Variants in SLC39A11 observed in about 807,000 individuals in gnomAD.
SLC39A11 encodes the protein zinc transporter ZIP11.
In SLC39A11, 33 loss-of-function variants were observed where a neutral mutation model predicts 36.1. The ratio of observed to expected loss-of-function variants is 0.91; its 90% CI spans 0.69 to 1.22. SLC39A11 has a LOEUF of 1.22. SLC39A11 is among the 50% of genes most tolerant of loss of function. SLC39A11 has a pLI of 0.00. For synonymous variants in SLC39A11, 166 were observed against 170.3 expected, an observed-to-expected ratio of 0.97 and a Z score of 0.20; for missense variants, 432 against 430.3, an observed-to-expected ratio of 1.00 and a Z score of -0.03.
chr17:72,724,499 C>G (rs1383693910), intron 7 of SLC39A11, among the ~76,000 whole-genome samples: 3 of 152,028 alleles, frequency 2.0e-5, no homozygotes, highest in Non-Finnish European at 4.4e-5. Context: ...GGAAAGCAGA[C>G]CTTTTGAGAC....
At chr17:72,728,469 A>C (rs2074024466) in intron 7 of SLC39A11, among the ~76,000 whole-genome samples, 1 of 152,058 alleles carries the variant, frequency 6.6e-6, no homozygotes, top group African/African-American at 2.4e-5. Context: ...AAGGAAAGGA[A>C]CAAAGGAACA....
chr17:72,827,900 A>G (rs1026214440), intron 6 of SLC39A11, among the ~76,000 whole-genome samples: 2 of 152,218 alleles, frequency 1.3e-5, no homozygotes, highest in Non-Finnish European at 2.9e-5. Flanking sequence ...CATAGAAGAG[A>G]GAACTGTAAT....
chr17:73,077,617 C>A (rs1489583875), intron 3 of SLC39A11, among the ~76,000 whole-genome samples: 1 of 152,134 alleles, frequency 6.6e-6, no homozygotes, highest in African/African-American at 2.4e-5. Flanking sequence ...TGTGAGATAT[C>A]GCATCTGGCT....
intron 4 of SLC39A11, among the ~76,000 whole-genome samples, chr17:72,994,862 T>C (rs1568088387): frequency 1.3e-5 from 2 of 152,312 alleles, no homozygotes; most frequent in South Asian, 4.1e-4. Flanking sequence ...ATATATTATA[T>C]GTTGGAGGTG....
chr17:72,864,003 T>C (rs1399421909), intron 5 of SLC39A11, among the ~76,000 whole-genome samples: 3 of 152,068 alleles, frequency 2.0e-5, no homozygotes, highest in Non-Finnish European at 4.4e-5. Flanking sequence ...CCACTGAGAC[T>C]GAACCCTCTC....
chr17:72,907,579 T>C (rs1344870504), intron 5 of SLC39A11, among the ~76,000 whole-genome samples: 2 of 152,138 alleles, frequency 1.3e-5, no homozygotes, highest in Admixed American at 1.3e-4. Flanking sequence ...AGAACTTAAG[T>C]GGGAACCTGA....
intron 6 of SLC39A11, among the ~76,000 whole-genome samples, chr17:72,787,189 G>A (rs1386180347): frequency 6.6e-6 from 1 of 150,978 alleles, no homozygotes; most frequent in Non-Finnish European, 1.5e-5. Context: ...TGCATCTTAA[G>A]AGGCTCTGAA....
intron 7 of SLC39A11, among the ~76,000 whole-genome samples, chr17:72,666,487 G>T (rs953971714): frequency 6.6e-6 from 1 of 152,184 alleles, no homozygotes; most frequent in Non-Finnish European, 1.5e-5. Context: ...AATAACATAC[G>T]CTCTCAATAG....
chr17:72,885,737 T>C (rs1040722444), intron 5 of SLC39A11, among the ~76,000 whole-genome samples: 7 of 152,108 alleles, frequency 4.6e-5, no homozygotes, highest in Non-Finnish European at 8.8e-5. Flanking sequence ...CTCCCACCTA[T>C]GTCCACACTT....
chr17:72,904,936 G>A (rs1479158637), intron 5 of SLC39A11, among the ~76,000 whole-genome samples: 2 of 152,058 alleles, frequency 1.3e-5, no homozygotes, highest in Non-Finnish European at 2.9e-5. Context: ...CACTTTGGGA[G>A]GCCGAGGCAG....
chr17:72,943,876 T>C (rs537589392), intron 5 of SLC39A11, among the ~76,000 whole-genome samples: 1 of 152,294 alleles, frequency 6.6e-6, no homozygotes, highest in South Asian at 2.1e-4. Flanking sequence ...CCATGGACCC[T>C]CAGGTCATGT....
chr17:72,716,257 G>A (rs188642014), intron 7 of SLC39A11, among the ~76,000 whole-genome samples: 18 of 152,200 alleles, frequency 1.2e-4, no homozygotes, highest in Admixed American at 3.3e-4. Flanking sequence ...CTATCTGATG[G>A]AATTACACGG....
At chr17:72,711,471 C>T (rs1429879274) in intron 7 of SLC39A11, among the ~76,000 whole-genome samples, 1 of 152,204 alleles carries the variant, frequency 6.6e-6, no homozygotes, top group Non-Finnish European at 1.5e-5. Context: ...GAAATCTAGA[C>T]ACAATCTAAG....
chr17:72,699,029 C>T (rs1028923712), intron 7 of SLC39A11, among the ~76,000 whole-genome samples: 10 of 152,228 alleles, frequency 6.6e-5, no homozygotes, highest in South Asian at 2.1e-4. Context: ...CGGGGTTTCA[C>T]CATGTTAGCC....
chr17:72,656,822 T>C (rs1053821082), intron 7 of SLC39A11, among the ~76,000 whole-genome samples: 3 of 152,184 alleles, frequency 2.0e-5, no homozygotes, highest in Non-Finnish European at 2.9e-5. Flanking sequence ...GTTCATTTCC[T>C]ATTATATGTT....
At chr17:73,079,704 C>T (rs982641315) in intron 3 of SLC39A11, among the ~76,000 whole-genome samples, 3 of 152,176 alleles carry the variant, frequency 2.0e-5, no homozygotes, top group South Asian at 4.1e-4. Flanking sequence ...GGAAGTCAAA[C>T]ATCGCTGTTT....
At chr17:73,039,254 C>T (rs961083968) in intron 3 of SLC39A11, among the ~76,000 whole-genome samples, 13 of 152,226 alleles carry the variant, frequency 8.5e-5, no homozygotes, top group African/African-American at 3.1e-4. Context: ...TCCCTCTCCC[C>T]GTATGCCTTC....
intron 7 of SLC39A11, among the ~76,000 whole-genome samples, chr17:72,700,179 T>C (rs974788343): frequency 6.6e-6 from 1 of 152,204 alleles, no homozygotes; most frequent in African/African-American, 2.4e-5. Context: ...GGTCAGCATC[T>C]TTGTTAAAAT....
chr17:72,981,594 CA>C (rs11444135), intron 4 of SLC39A11, among the ~76,000 whole-genome samples: 15,830 of 131,182 alleles, frequency 0.12, 1,411 homozygotes, highest in African/African-American at 0.27. Context: ...TATTTAAATG[CA>C]AAAAAAAAAA....
Sources: allele counts gnomAD v4.1 joint callset (sites outside exome capture counted in the v4.1 genomes callset), GRCh38; gene constraint gnomAD v4.1.1; transcripts MANE v1.5; gene names NCBI Gene and HGNC (gene_info 2026-07-23, HGNC 2026-07-21).